The following DMBT1 variants were observed in gnomAD, a reference collection of about 807,000 sequenced individuals.
DMBT1 encodes the protein deleted in malignant brain tumors 1.
A neutral mutation model predicts 252.9 loss-of-function variants in DMBT1; 198 were observed. The ratio of observed to expected loss-of-function variants is 0.78; its 90% CI spans 0.70 to 0.88. The LOEUF (loss-of-function observed/expected upper bound fraction) is 0.88. DMBT1 is among the 40% of genes least tolerant of loss of function. The pLI is 0.00. For synonymous variants in DMBT1, 990 were observed against 942.7 expected, an observed-to-expected ratio of 1.05 and a Z score of -0.92; for missense variants, 2,432 against 2,404.7, an observed-to-expected ratio of 1.01 and a Z score of -0.24.
chr10:122,565,244 A>G (rs2097580219), intron 1 of DMBT1, among the ~76,000 whole-genome samples: 2 of 152,236 alleles, frequency 1.3e-5, no homozygotes, highest in African/African-American at 4.8e-5. Flanking sequence ...GAAGCCAATA[A>G]TGAATCTTGG....
At chr10:122,599,204 T>C (rs936859620) in intron 26 of DMBT1, 107 bp downstream of exon 26, 31 of 1,566,114 alleles carry the variant, frequency 2.0e-5, no homozygotes, top group Non-Finnish European at 2.5e-5. Context: ...CTATGTTTTC[T>C]ATATTTCTGA....
chr10:122,585,084 T>C (rs1244604980), intron 14 of DMBT1, among the ~76,000 whole-genome samples, 187 bp from the exon 15 acceptor site: 2 of 148,724 alleles, frequency 1.3e-5, no homozygotes, highest in Non-Finnish European at 3.0e-5. Context: ...CGAACTGGTC[T>C]CCAGCAAGGC....
chr10:122,635,209 C>G (rs948974387), intron 52 of DMBT1, among the ~76,000 whole-genome samples: 3 of 152,208 alleles, frequency 2.0e-5, no homozygotes, highest in Non-Finnish European at 4.4e-5. Context: ...CTTCAGTGTG[C>G]ATGGATCAGA....
At chr10:122,562,536 C>T (rs1341753352) in intron 1 of DMBT1, among the ~76,000 whole-genome samples, 1 of 152,226 alleles carries the variant, frequency 6.6e-6, no homozygotes, top group African/African-American at 2.4e-5. Context: ...GAGGCTGCGT[C>T]CTCAGCCCCA....
At chr10:122,587,786 A>G (rs1328626326) in intron 16 of DMBT1, among the ~76,000 whole-genome samples, 1 of 148,556 alleles carries the variant, frequency 6.7e-6, no homozygotes, top group African/African-American at 2.4e-5. Context: ...CAGCTCCCTG[A>G]TCCTTCTAAC....
intron 10 of DMBT1, 117 bp downstream of exon 10, chr10:122,580,018 A>G: frequency 6.5e-7 from 1 of 1,536,046 alleles, no homozygotes; most frequent in East Asian, 2.3e-5. Context: ...GTTTCTGAAG[A>G]CTTGTCAGCT....
At chr10:122,600,292 T>C (rs1338975591) in intron 27 of DMBT1, among the ~76,000 whole-genome samples, 199 bp downstream of exon 27, 1 of 151,406 alleles carries the variant, frequency 6.6e-6, no homozygotes, top group Non-Finnish European at 1.5e-5. Flanking sequence ...CTCTGTCTTC[T>C]TTTCAACCCC....
In DMBT1 at chr10:122,598,760, G is replaced by T. The variant is rs375019982; in HGVS notation, c.2957-14G>T. ...TGATAGGGATGGATGAAGGATTCTTGTGTTCCCCTGTAGGATCTGAATCCA... is the reference window on the plus strand; with the variant it reads ...TGATAGGGATGGATGAAGGATTCTTTTGTTCCCCTGTAGGATCTGAATCCA... On this transcript the variant is annotated splice_polypyrimidine_tract_variant and intron_variant, in intron 25 of 55. Transcript: ENST00000338354. 124 of 1,612,620 alleles carry T rather than the reference G, an allele frequency of 7.7e-5. No homozygotes were observed. Among genetic ancestry groups the T allele is most frequent in the Non-Finnish European group, 7.5e-5 (89 of 1,179,722 alleles).
chr10:122,594,237 G>T (rs1465110200), intron 21 of DMBT1, among the ~76,000 whole-genome samples: 2 of 137,680 alleles, frequency 1.5e-5, no homozygotes, highest in East Asian at 2.1e-4. Context: ...ATGTGGGATG[G>T]CATGGTGGGG....
rs573114798 is a variant in DMBT1 at position 122,617,863 on chromosome 10, A to G, written c.4892-154A>G. Among the ~76,000 whole-genome samples the G allele has an allele frequency of 1.5e-3, 222 of 151,544 alleles. 8 individuals are homozygous for G. The highest frequency in any genetic ancestry group is 5.1e-3 in the African/African-American group (209 of 41,134). On this transcript the variant is annotated intron_variant, in intron 40 of 55. Transcript: ENST00000338354. ...ATAGTGTATCACCTCTCCTTTCCCT[A>G]TGATAAAGCTGAACCTCCGGTAGCA... is the stretch of plus-strand genomic sequence containing the variant.
rs1266455376 is a variant in DMBT1 at position 122,585,396 on chromosome 10, G to T, written c.1459+87G>T. 1.4e-6 allele frequency: 2 copies of T among 1,478,534 alleles called. 1 individual carries two copies. Among genetic ancestry groups the T allele is most frequent in the Non-Finnish European group, 1.9e-6 (2 of 1,076,550 alleles). The allele number at this position is 1,478,534 out of a possible 1,614,324, so 91.6% of individuals were successfully genotyped here. ...CTGAAATGATAGGATGAGGGTCAAG[G>T]TGGGCCCCTCTGTTTTTCATGTCCC... On this transcript the variant is annotated intron_variant, in intron 15 of 55. Coordinates refer to ENST00000338354, the MANE Select transcript of DMBT1 (RefSeq NM_001377530.1).
intron 16 of DMBT1, 133 bp downstream of exon 16, chr10:122,586,516 T>C (rs1370337640): frequency 7.2e-7 from 1 of 1,383,582 alleles, no homozygotes; most frequent in Non-Finnish European, 9.7e-7. Context: ...AGCTCTCTCC[T>C]AGGAAACCGC....
chr10:122,570,873 C>T lies in DMBT1; in HGVS notation c.140-17C>T, dbSNP rs1191882096. The stretch of plus-strand genomic sequence containing the variant: ...AAGGGCTACCATCAATGAGCTCTTC[C>T]TTTCTCCACCCTGCAGGTTCTCCAT... On this transcript the variant is annotated splice_polypyrimidine_tract_variant and intron_variant, in intron 3 of 55. Coordinates refer to ENST00000338354, the MANE Select transcript of DMBT1 (RefSeq NM_001377530.1). The T allele has an allele frequency of 2.5e-6, 4 of 1,612,682 alleles. No individual in the cohort carries two copies. In the Admixed American group the frequency reaches 6.7e-5, roughly 27 times the overall value.
chr10:122,633,736 G>A (rs1478127019), intron 52 of DMBT1, among the ~76,000 whole-genome samples: 1 of 152,160 alleles, frequency 6.6e-6, no homozygotes, highest in Non-Finnish European at 1.5e-5. Flanking sequence ...GGAGAGAGAG[G>A]GAGAGAGATG....
Position 122,618,218 on chromosome 10 carries a change from G to A in DMBT1, c.5093G>A (p.Gly1698Glu). ...AATGCCCAGTTTGGCCAGGGCTCAG[G>A]ACCCATTGTCCTGGATGATGTGCGC... ...PGNAQFGQGSGPIVLDDVRCS... is the reference protein window; with the variant it reads ...PGNAQFGQGSEPIVLDDVRCS... Residue 1698 changes from glycine (G) to glutamate (E), a missense_variant, in exon 41 of 56, where the codon GGA (glycine) becomes GAA (glutamate). Gly to Glu is a moderately conservative substitution (Grantham distance 98). Around this residue, in one of 3 missense-constraint regions of DMBT1, gnomAD observed 1,162 missense variants for 1,169.0 expected, o/e 0.99. Transcript: ENST00000338354. 3 of 1,613,788 alleles carry A rather than the reference G, an allele frequency of 1.9e-6. No homozygotes were observed. The highest frequency in any genetic ancestry group is 1.7e-4 in the Middle Eastern group (1 of 6,058).
intron 54 of DMBT1, among the ~76,000 whole-genome samples, chr10:122,639,329 C>G (rs1844068939): frequency 6.6e-6 from 1 of 152,194 alleles, no homozygotes; most frequent in African/African-American, 2.4e-5. Context: ...TGTGAAAAGA[C>G]CACCAAACAA....
Position 122,643,548 on chromosome 10 carries a change from G to C in DMBT1, c.*150G>C, listed in dbSNP as rs955785206. 8.6e-7 allele frequency: 1 copy of C among 1,168,824 alleles called. No homozygotes were observed. Among genetic ancestry groups the C allele is most frequent in the Non-Finnish European group, 1.2e-6 (1 of 850,268 alleles). 72.4% of individuals were successfully genotyped at this position (1,168,824 alleles called of 1,614,324 possible). On this transcript the variant is annotated 3_prime_UTR_variant, in exon 56 of 56. Coordinates refer to ENST00000338354, the MANE Select transcript of DMBT1 (RefSeq NM_001377530.1). ...CGGAGTTGAATCAGACCTGGTTCCC[G>C]CCTCCCCCAAGGCTCATGGTCCTTG... is the stretch of plus-strand genomic sequence containing the variant.
chr10:122,591,492 C>T lies in DMBT1; in HGVS notation c.2151C>T (p.Thr717=). ...RSTPRPDTLS[T]ITLPPSTVGS... ...TGCAATTTACAGACACGTTGTCGACCATCACGTTACCTCCATCGACAGTAG... is the reference window on the plus strand; with the variant it reads ...TGCAATTTACAGACACGTTGTCGACTATCACGTTACCTCCATCGACAGTAG... The change falls in exon 19 of 56, where the codon ACC becomes ACT. Residue 717 remains threonine, a synonymous_variant. Coordinates refer to ENST00000338354, the MANE Select transcript of DMBT1 (RefSeq NM_001377530.1). 6.3e-7 allele frequency: 1 copy of T among 1,587,540 alleles called. No individual in the cohort carries two copies. The highest frequency in any genetic ancestry group is 8.6e-7 in the Non-Finnish European group (1 of 1,165,044).
Position 122,586,309 on chromosome 10 carries a change from T to C in DMBT1, c.1709T>C (p.Leu570Ser). 1 of 1,588,648 alleles carries C rather than the reference T, an allele frequency of 6.3e-7. No homozygotes were observed. Among genetic ancestry groups the C allele is most frequent in the Non-Finnish European group, 8.6e-7 (1 of 1,165,844 alleles). ...DVRCSGNESY[L>S]WSCPHNGWLS... ...CGCTGCTCAGGGAATGAGTCCTACT[T>C]GTGGAGCTGCCCCCACAATGGCTGG... Residue 570 changes from leucine to serine, a missense_variant, in exon 16 of 56, where the codon TTG becomes TCG. By Grantham distance (145) the Leu-to-Ser change is moderately radical. Around this residue, in one of 3 missense-constraint regions of DMBT1, gnomAD observed 1,264 missense variants for 1,082.2 expected, o/e 1.17. Coordinates refer to ENST00000338354, the MANE Select transcript of DMBT1 (RefSeq NM_001377530.1).
Sources: gnomAD v4.1 joint callset for allele counts (sites outside exome capture counted in the v4.1 genomes callset) on GRCh38, gnomAD v4.1.1 for gene constraint, gnomAD v4.1.1 regional missense constraint, MANE v1.5 for transcripts, NCBI Gene and HGNC (gene_info 2026-07-23, HGNC 2026-07-21) for gene names.